Variants in ERICH3 observed in about 807,000 individuals in gnomAD.
ERICH3 encodes glutamate rich 3, also known as glutamate-rich protein 3.
Under a neutral mutation model 131.1 loss-of-function variants are expected in ERICH3, and 126 were observed. That is an observed-to-expected ratio of 0.96 (90% CI 0.83 to 1.11). The LOEUF (loss-of-function observed/expected upper bound fraction) is 1.11, where lower values mean the gene tolerates loss of function less well. ERICH3 is among the 50% of genes most tolerant of loss of function. ERICH3 has a pLI of 0.00. For missense variants in ERICH3, 2,050 were observed against 1,810.7 expected (o/e 1.13, Z -2.40); for synonymous variants, 695 against 644.6 (o/e 1.08, Z -1.18).
Position 74,572,838 on chromosome 1 carries a change from G to T in ERICH3, c.2872C>A (p.Pro958Thr). 3 of 1,613,662 alleles carry T rather than the reference G, an allele frequency of 1.9e-6. No individual in the cohort carries two copies. The highest frequency in any genetic ancestry group is 1.1e-5 in the South Asian group (1 of 91,066). The change falls in exon 14 of 15, where the codon CCC becomes ACC. Residue 958 changes from proline (P) to threonine (T), a missense_variant. Physicochemically the swap from Pro to Thr is conservative, Grantham distance 38. Transcript: ENST00000326665. Reference protein sequence around the residue: ...EASIDLEDTGPMEDTASKRED... With the variant: ...EASIDLEDTGTMEDTASKRED... Reference sequence around the variant, plus strand: ...CTCTTTGATGCTGTGTCCTCCATGGGTCCTGTGTCCTCTAGGTCTATGGAT... The same window carrying T: ...CTCTTTGATGCTGTGTCCTCCATGGTTCCTGTGTCCTCTAGGTCTATGGAT...
intron 9 of ERICH3, among the ~76,000 whole-genome samples, chr1:74,610,881 C>A (rs1648661371): frequency 6.6e-6 from 1 of 152,030 alleles, no homozygotes; most frequent in Admixed American, 6.6e-5. Flanking sequence ...ACACATTCAA[C>A]TCCCTTAATC....
chr1:74,634,184 T>A (rs564249305), intron 6 of ERICH3, among the ~76,000 whole-genome samples: 43 of 152,216 alleles, frequency 2.8e-4, no homozygotes, highest in African/African-American at 9.1e-4. Context: ...ATCATTTTCA[T>A]CATCAATGCC....
At chr1:74,642,348 AT>A (rs1197232257) in intron 4 of ERICH3, among the ~76,000 whole-genome samples, 1 of 152,154 alleles carries the variant, frequency 6.6e-6, no homozygotes. Context: ...TAGGCCACAC[AT>A]TTGTAATACT....
intron 10 of ERICH3, among the ~76,000 whole-genome samples, chr1:74,603,860 T>A (rs540276541): frequency 1.3e-5 from 2 of 151,914 alleles, no homozygotes; most frequent in African/African-American, 4.8e-5. Flanking sequence ...ATTCCCTTGA[T>A]GTTAGTGGCT....
chr1:74,612,841 G>A (rs758696688), intron 8 of ERICH3, 32 bp from the exon 9 acceptor site: 7 of 1,511,512 alleles, frequency 4.6e-6, no homozygotes, highest in Non-Finnish European at 6.3e-6. Context: ...ATTAGTGAAA[G>A]CAACTGACTT....
At chr1:74,585,431 G>C (rs568964291) in intron 12 of ERICH3, among the ~76,000 whole-genome samples, 7 of 152,076 alleles carry the variant, frequency 4.6e-5, no homozygotes, top group Non-Finnish European at 8.8e-5. Flanking sequence ...ATAGTGAGAA[G>C]GAAAATATCA....
At chr1:74,579,265 T>G in intron 12 of ERICH3, 1 of 480,668 alleles carries the variant, frequency 2.1e-6, no homozygotes, top group Non-Finnish European at 2.7e-6. Flanking sequence ...ACATCAAAGC[T>G]TTTTCCAAGT....
At chr1:74,615,902 C>G (rs1035907181) in intron 8 of ERICH3, among the ~76,000 whole-genome samples, 1 of 152,044 alleles carries the variant, frequency 6.6e-6, no homozygotes, top group African/African-American at 2.4e-5. Context: ...TGTGGTATGA[C>G]CAGTAATAAG....
intron 10 of ERICH3, among the ~76,000 whole-genome samples, chr1:74,604,745 C>A (rs1035069538): frequency 3.3e-5 from 5 of 151,894 alleles, no homozygotes; most frequent in African/African-American, 1.2e-4. Context: ...ACTCTGCAAA[C>A]CATGCTGTAA....
chr1:74,620,999 G>C, intron 7 of ERICH3, 85 bp from the exon 8 acceptor site: 3 of 1,151,376 alleles, frequency 2.6e-6, no homozygotes, highest in Non-Finnish European at 3.5e-6. Context: ...GAAGAATAAA[G>C]AAGGTTATTT....
rs568878394 is a variant in ERICH3, at chr1:74,589,770, C to A, written c.2037G>T (p.Glu679Asp). ...ACTTCTCAGATAAACCCTCTGCAATCTCTTGGGTTCCTTTCTCCGTTCCTT... is the reference window on the plus strand; with the variant it reads ...ACTTCTCAGATAAACCCTCTGCAATATCTTGGGTTCCTTTCTCCGTTCCTT... ...LKEGTEKGTQEIAEGLSEKSG... is the reference protein window; with the variant it reads ...LKEGTEKGTQDIAEGLSEKSG... The change falls in exon 12 of 15, where the codon GAG (glutamate) becomes GAT (aspartate). Residue 679 changes from glutamate (E) to aspartate (D), a missense_variant. Glu to Asp is a conservative substitution (Grantham distance 45). Transcript: ENST00000326665. 6.2e-7 allele frequency: 1 copy of A among 1,614,146 alleles called. No individual in the cohort carries two copies. The highest frequency in any genetic ancestry group is 1.3e-5 in the African/African-American group (1 of 75,046).
intron 7 of ERICH3, among the ~76,000 whole-genome samples, chr1:74,627,428 G>A (rs1649454448): frequency 6.6e-6 from 1 of 151,908 alleles, no homozygotes; most frequent in African/African-American, 2.4e-5. Context: ...ACAAAGAAAT[G>A]TCATGGTAAG....
intron 12 of ERICH3, among the ~76,000 whole-genome samples, chr1:74,586,002 T>C (rs953735299): frequency 1.3e-5 from 2 of 152,116 alleles, no homozygotes; most frequent in African/African-American, 4.8e-5. Context: ...ATGGTCTTTG[T>C]TCTGTTTTAC....
At chr1:74,588,881 G>A (rs1008383733) in intron 12 of ERICH3, among the ~76,000 whole-genome samples, 1 of 152,132 alleles carries the variant, frequency 6.6e-6, no homozygotes, top group African/African-American at 2.4e-5. Context: ...ACACCCAGGA[G>A]CCCCAGGGAT....
chr1:74,656,620 A>C (rs905515661), intron 1 of ERICH3, among the ~76,000 whole-genome samples: 1 of 152,210 alleles, frequency 6.6e-6, no homozygotes, highest in Non-Finnish European at 1.5e-5. Context: ...TGAAGTGAAC[A>C]TCTCAGTTTA....
At position 74,572,073 on chromosome 1, in the gene ERICH3, C is replaced by T. The variant is rs143506603; in HGVS notation, c.3637G>A (p.Glu1213Lys). 6.9e-5 allele frequency: 111 copies of T among 1,614,244 alleles called. No homozygotes were observed. The African/African-American group carries it at 1.3e-3, about 19-fold the overall frequency. The change falls in exon 14 of 15, where the codon GAG becomes AAG. Residue 1213 changes from glutamate (E) to lysine (K), a missense_variant. By Grantham distance (56) the Glu-to-Lys change is moderately conservative. Transcript: ENST00000326665. ...ALKEGHRQDGEGALAAPEAEP... is the reference protein window; with the variant it reads ...ALKEGHRQDGKGALAAPEAEP... The stretch of plus-strand genomic sequence containing the variant: ...GCTTCAGGAGCTGCTAAGGCCCCCT[C>T]TCCATCTTGGCGGTGCCCTTCCTTC...
chr1:74,613,790 G>A (rs1231325361), intron 8 of ERICH3, among the ~76,000 whole-genome samples: 2 of 152,032 alleles, frequency 1.3e-5, no homozygotes, highest in Admixed American at 6.6e-5. Flanking sequence ...CCTAAGTCTG[G>A]GAAACCTTAT....
chr1:74,634,192 GC>G (rs1203223310), intron 6 of ERICH3, among the ~76,000 whole-genome samples: 1 of 151,898 alleles, frequency 6.6e-6, no homozygotes, highest in Non-Finnish European at 1.5e-5. Flanking sequence ...CATCATCAAT[GC>G]CATTGAAAAA....
chr1:74,591,739 A>C (rs995032768), intron 11 of ERICH3, among the ~76,000 whole-genome samples: 1 of 150,914 alleles, frequency 6.6e-6, no homozygotes, highest in African/African-American at 2.4e-5. Flanking sequence ...TGGACAGCAT[A>C]AAAAATCACT....
Sources: allele counts gnomAD v4.1 joint callset (sites outside exome capture counted in the v4.1 genomes callset), GRCh38; gene constraint gnomAD v4.1.1; transcripts MANE v1.5; gene names NCBI Gene and HGNC (gene_info 2026-07-23, HGNC 2026-07-21).